Variants in DMD observed in about 807,000 individuals in gnomAD.
The protein encoded by DMD is mutant dystrophin.
A neutral mutation model predicts 330.1 loss-of-function variants in DMD; 63 were observed. That is an observed-to-expected ratio of 0.19 (90% CI 0.16 to 0.24). The LOEUF is 0.24. Among genes scored for constraint, DMD ranks in the 10% least tolerant of loss-of-function variants. DMD has a pLI of 1.00. For missense variants in DMD, 3,344 were observed against 2,684.1 expected (o/e 1.25, Z -5.43); for synonymous variants, 1,223 against 959.8 (o/e 1.27, Z -5.07).
chrX:31,317,596 C>G (rs2056118186), intron 62 of DMD, among the ~76,000 whole-genome samples: 1 of 106,564 alleles, frequency 9.4e-6, no homozygotes, highest in Admixed American at 1.0e-4. Flanking sequence ...ACTGCATGCT[C>G]CGCTTCCCGG....
chrX:31,369,458 C>G (rs1247248433), intron 60 of DMD, among the ~76,000 whole-genome samples: 3 of 112,037 alleles, frequency 2.7e-5, no homozygotes, highest in Non-Finnish European at 5.6e-5. Flanking sequence ...GGGGATAGAG[C>G]TGACAGAATT....
chrX:32,417,201 A>T, intron 29 of DMD, among the ~76,000 whole-genome samples: 1 of 111,661 alleles, frequency 9.0e-6, no homozygotes, highest in South Asian at 3.8e-4. Flanking sequence ...GGGCATAGCA[A>T]AGGGCTTACA....
intron 1 of DMD, among the ~76,000 whole-genome samples, chrX:33,033,393 G>C (rs73188285): frequency 0.061 from 6,626 of 107,813 alleles, 187 homozygotes; most frequent in Non-Finnish European, 0.076. Context: ...TTTAATAGAT[G>C]TGAGTGTAGG....
intron 52 of DMD, among the ~76,000 whole-genome samples, chrX:31,703,580 C>T (rs1285422453): frequency 8.9e-6 from 1 of 112,086 alleles, no homozygotes; most frequent in African/African-American, 3.2e-5. Flanking sequence ...AACTTAAGTA[C>T]TCATGTAAGT....
intron 47 of DMD, among the ~76,000 whole-genome samples, chrX:31,904,898 C>A (rs768111388): frequency 8.9e-6 from 1 of 111,769 alleles, no homozygotes; most frequent in Non-Finnish European, 1.9e-5. Flanking sequence ...CAATAGACAA[C>A]TAATACATAA....
In DMD at chrX:32,809,685, T is replaced by A. The variant is rs753084172; in HGVS notation, c.531-74A>T. The A allele has an allele frequency of 1.6e-5, 14 of 903,160 alleles. No homozygotes were observed. The South Asian group carries it at 2.6e-4, about 17-fold the overall frequency. The allele number at this position is 903,160 out of a possible 1,213,427, so 74.4% of individuals were successfully genotyped here. Reference sequence around the variant, plus strand: ...TCTAGAATGTTCCATGAGATTTACTTCCATGCTTAATTTTCATTGACAACC... The same window carrying A: ...TCTAGAATGTTCCATGAGATTTACTACCATGCTTAATTTTCATTGACAACC... On this transcript the variant is annotated intron_variant, in intron 6 of 78. Coordinates refer to ENST00000357033, the MANE Select transcript of DMD (RefSeq NM_004006.3).
intron 62 of DMD, among the ~76,000 whole-genome samples, chrX:31,300,730 T>G (rs780926961): frequency 8.9e-6 from 1 of 112,272 alleles, no homozygotes; most frequent in Non-Finnish European, 1.9e-5. Context: ...CACTTAAATA[T>G]TTTTAATCTT....
intron 44 of DMD, among the ~76,000 whole-genome samples, chrX:32,088,917 A>T (rs898000873): frequency 1.8e-5 from 2 of 111,681 alleles, no homozygotes; most frequent in Non-Finnish European, 3.8e-5. Context: ...TGATTGCCAC[A>T]TGTATGTAAA....
rs1244615516 is a variant in DMD at position 32,501,603 on chromosome X, A to G, written c.2380+152T>C. 4 of 474,453 alleles carry G rather than the reference A, an allele frequency of 8.4e-6. No individual in the cohort carries two copies. The Admixed American group carries it at 1.5e-4, about 17-fold the overall frequency. 39.1% of individuals were successfully genotyped at this position (474,453 alleles called of 1,213,427 possible). On this transcript the variant is annotated intron_variant, in intron 19 of 78. Coordinates refer to ENST00000357033, the MANE Select transcript of DMD (RefSeq NM_004006.3). Reference sequence around the variant, plus strand: ...AATTTCTCCTAATAATTTCCTTAGCATTAAAAAAAGAATAATAAAAAACAT... The same window carrying G: ...AATTTCTCCTAATAATTTCCTTAGCGTTAAAAAAAGAATAATAAAAAACAT...
In DMD at chrX:32,365,126, G is replaced by C. The variant is rs1001288162; in HGVS notation, c.4919C>G (p.Thr1640Arg). ...SITEVGEALK[T>R]VLGKKETLVE... Reference sequence around the variant, plus strand: ...CAACGTCTCCTTCTTGCCCAAAACTGTTTTCAAGGCCTCTCCTACCTCTGT... The same window carrying C: ...CAACGTCTCCTTCTTGCCCAAAACTCTTTTCAAGGCCTCTCCTACCTCTGT... Residue 1640 changes from threonine (T) to arginine (R), a missense_variant, in exon 35 of 79, where the codon ACA becomes AGA. Transcript: ENST00000357033. 1 of 1,208,565 alleles carries C rather than the reference G, an allele frequency of 8.3e-7. No homozygotes were observed. Among genetic ancestry groups the C allele is most frequent in the Non-Finnish European group, 1.1e-6 (1 of 894,673 alleles).
Position 32,331,386 on chromosome X carries a change from T to C in DMD, c.5922+10714A>G, listed in dbSNP as rs371261983. ...TCCTCATCTGATGCTAAAAATGAGT[T>C]ATATTTTTTTAATTTTATCAGTAAC... On this transcript the variant is annotated intron_variant, in intron 41 of 78. Transcript: ENST00000357033. 4.5e-4 allele frequency among the ~76,000 whole-genome samples: 50 copies of C among 111,892 alleles called. 1 individual carries two copies. The South Asian group carries it at 0.018, about 39-fold the overall frequency.
intron 44 of DMD, among the ~76,000 whole-genome samples, chrX:31,994,805 T>C (rs1293258294): frequency 8.9e-6 from 1 of 112,261 alleles, no homozygotes; most frequent in African/African-American, 3.2e-5. Context: ...CGCACATATA[T>C]AGGGAAATGA....
intron 2 of DMD, among the ~76,000 whole-genome samples, chrX:32,914,226 C>A (rs1424844343): frequency 8.9e-6 from 1 of 111,799 alleles, no homozygotes; most frequent in Non-Finnish European, 1.9e-5. Flanking sequence ...AGACTCATGA[C>A]CCTCAGGTTA....
At chrX:32,481,106 A>G (rs2148550439) in intron 21 of DMD, among the ~76,000 whole-genome samples, 1 of 110,879 alleles carries the variant, frequency 9.0e-6, no homozygotes. Flanking sequence ...GAGACTAACC[A>G]TAGAGCTTGA....
intron 51 of DMD, among the ~76,000 whole-genome samples, chrX:31,766,891 G>C (rs910041152): frequency 3.6e-5 from 4 of 110,439 alleles, no homozygotes; most frequent in East Asian, 2.8e-4. Context: ...GTGTGTGTGT[G>C]TGTGTGTGTG....
At chrX:33,339,250 T>G in intron 1 of DMD, 1 of 1,027,384 alleles carries the variant, frequency 9.7e-7, no homozygotes. Context: ...ATAGCTTTAA[T>G]AATCCTACCT....
intron 2 of DMD, among the ~76,000 whole-genome samples, chrX:32,961,289 G>A (rs1221976536): frequency 9.0e-6 from 1 of 110,836 alleles, no homozygotes; most frequent in Non-Finnish European, 1.9e-5. Flanking sequence ...AGAGTGCCTG[G>A]AATATAATAT....
At chrX:32,608,986 C>A (rs186079987) in intron 12 of DMD, among the ~76,000 whole-genome samples, 4 of 111,017 alleles carry the variant, frequency 3.6e-5, no homozygotes, top group South Asian at 3.7e-4. Flanking sequence ...CACTGTCAAA[C>A]TTAACTGAAT....
At chrX:32,654,598 G>C (rs1340693221) in intron 9 of DMD, among the ~76,000 whole-genome samples, 2 of 102,829 alleles carry the variant, frequency 1.9e-5, no homozygotes, top group African/African-American at 8.1e-5. Flanking sequence ...CAAGGATATT[G>C]GTCTAAAATT....
Sources: gnomAD v4.1 joint callset for allele counts (sites outside exome capture counted in the v4.1 genomes callset) on GRCh38, gnomAD v4.1.1 for gene constraint, MANE v1.5 for transcripts, NCBI Gene and HGNC (gene_info 2026-07-23, HGNC 2026-07-21) for gene names.